IL15: variants seen among roughly 807,000 people sequenced by gnomAD.
The protein encoded by IL15 is interleukin 15, also known as interleukin-15.
In IL15, 11 loss-of-function variants were observed where a neutral mutation model predicts 19.6. The ratio of observed to expected loss-of-function variants is 0.56; its 90% confidence interval spans 0.35 to 0.93. IL15 has a LOEUF of 0.93. Ranked by LOEUF, IL15 falls within the 40% of genes least tolerant of loss-of-function variation. The probability of loss-of-function intolerance (pLI) is 0.01; values close to 1 mark genes in which losing one functional copy is unlikely to be tolerated. For missense variants in IL15, 197 were observed against 186.5 expected (o/e 1.06, Z -0.33); for synonymous variants, 58 against 59.6 (o/e 0.97, Z 0.12).
chr4:141,686,216 GC>G (rs1472828217), intron 2 of IL15, among the ~76,000 whole-genome samples: 2 of 151,782 alleles, frequency 1.3e-5, no homozygotes, highest in Non-Finnish European at 2.9e-5. Flanking sequence ...AATCGCTTGA[GC>G]CCCATAGGCA....
chr4:141,722,483 A>G (rs1730124055), intron 5 of IL15, among the ~76,000 whole-genome samples: 2 of 152,328 alleles, frequency 1.3e-5, no homozygotes, highest in South Asian at 2.1e-4. Context: ...CTGAAAACTA[A>G]ATTGTCATTG....
chr4:141,683,807 G>A (rs1246747885), intron 2 of IL15, among the ~76,000 whole-genome samples: 1 of 152,170 alleles, frequency 6.6e-6, no homozygotes, highest in Admixed American at 6.5e-5. Context: ...CTTTAGGTCG[G>A]GGAGAGAGCA....
At chr4:141,722,753 AAAAAGTGCTTG>A (rs1730131517) in intron 5 of IL15, among the ~76,000 whole-genome samples, 1 of 152,218 alleles carries the variant, frequency 6.6e-6, no homozygotes, top group Admixed American at 6.5e-5. Flanking sequence ...CAGACATTAT[AAAAAGTGCTTG>A]AAAAAGCAAT....
rs1727585415 is a variant in IL15 at position 141,656,111 on chromosome 4, C to A, written c.-221-75C>A. On this transcript the variant is annotated intron_variant, in intron 1 of 7. Coordinates refer to ENST00000320650, the MANE Select transcript of IL15 (RefSeq NM_000585.5). ...ATAGCATGATCAGGTATGTAGGTAA[C>A]CATAAATCTGAGGAAGGGAGGATTA... 3 of 396,638 alleles carry A rather than the reference C, an allele frequency of 7.6e-6. 1 individual carries two copies. The highest frequency in any genetic ancestry group is 1.3e-5 in the Non-Finnish European group (3 of 225,124). 24.6% of individuals were successfully genotyped at this position (396,638 alleles called of 1,614,324 possible). A position where few individuals can be genotyped will look rare whatever the true frequency, so the allele number is the denominator to read the frequency against.
chr4:141,666,522 A>AT (rs1210272487), intron 2 of IL15, among the ~76,000 whole-genome samples: 4 of 151,824 alleles, frequency 2.6e-5, no homozygotes, highest in African/African-American at 9.7e-5. Context: ...TGCCTGGCTA[A>AT]TTTTTTGTGT....
chr4:141,710,243 G>A (rs1343236804), intron 2 of IL15, among the ~76,000 whole-genome samples: 1 of 152,158 alleles, frequency 6.6e-6, no homozygotes, highest in Non-Finnish European at 1.5e-5. Flanking sequence ...CTGGTATCAA[G>A]AAACCATTGA....
intron 5 of IL15, among the ~76,000 whole-genome samples, chr4:141,722,939 T>A (rs1730137686): frequency 6.6e-6 from 1 of 152,084 alleles, no homozygotes; most frequent in Admixed American, 6.5e-5. Flanking sequence ...ATAGTTAATT[T>A]GACAACAGAA....
At chr4:141,670,602 C>T (rs1480989263) in intron 2 of IL15, among the ~76,000 whole-genome samples, 1 of 152,032 alleles carries the variant, frequency 6.6e-6, no homozygotes, top group East Asian at 1.9e-4. Flanking sequence ...ACATGTTTTG[C>T]TTTTTACAAC....
At chr4:141,659,918 CA>C (rs1333660362) in intron 2 of IL15, among the ~76,000 whole-genome samples, 1 of 151,986 alleles carries the variant, frequency 6.6e-6, no homozygotes, top group Admixed American at 6.6e-5. Flanking sequence ...TACTTAAAAA[CA>C]GGTACATTTT....
chr4:141,669,212 TAGG>T (rs1728091604), intron 2 of IL15, among the ~76,000 whole-genome samples: 1 of 152,138 alleles, frequency 6.6e-6, no homozygotes, highest in African/African-American at 2.4e-5. Context: ...TACCAAATAT[TAGG>T]AGGCTAAATG....
At chr4:141,678,768 A>C (rs944757983) in intron 2 of IL15, among the ~76,000 whole-genome samples, 1 of 151,884 alleles carries the variant, frequency 6.6e-6, no homozygotes, top group Non-Finnish European at 1.5e-5. Flanking sequence ...CACCCGGCTA[A>C]TTTTTGTATT....
At chr4:141,676,938 A>G (rs988299105) in intron 2 of IL15, among the ~76,000 whole-genome samples, 1 of 152,200 alleles carries the variant, frequency 6.6e-6, no homozygotes, top group African/African-American at 2.4e-5. Flanking sequence ...ATTATAAAAG[A>G]AGCAGTGCCA....
rs1451408321 is a variant in IL15 at position 141,720,516 on chromosome 4, T to C, written c.60T>C (p.Leu20=). The change falls in exon 4 of 8, where the codon CTT becomes CTC. Residue 20 remains leucine, a synonymous_variant. Coordinates refer to ENST00000320650, the MANE Select transcript of IL15 (RefSeq NM_000585.5). ...CCATCCAGTGCTACTTGTGTTTACT[T>C]CTAAACAGTCATTTTCTAACTGAAG... ...SISIQCYLCL[L]LNSHFLTEAG... is the part of the protein sequence containing the mutation. The C allele has an allele frequency of 6.2e-7, 1 of 1,602,794 alleles. No individual in the cohort carries two copies. Among genetic ancestry groups the C allele is most frequent in the Non-Finnish European group, 8.5e-7 (1 of 1,170,128 alleles).
intron 2 of IL15, among the ~76,000 whole-genome samples, chr4:141,662,045 G>A (rs1246998524): frequency 6.6e-6 from 1 of 152,124 alleles, no homozygotes; most frequent in Non-Finnish European, 1.5e-5. Context: ...AGATTTCACA[G>A]CCAGATTTCT....
At chr4:141,700,584 T>G (rs1357051357) in intron 2 of IL15, among the ~76,000 whole-genome samples, 3 of 152,172 alleles carry the variant, frequency 2.0e-5, no homozygotes, top group Admixed American at 6.5e-5. Flanking sequence ...TTTAGATAGC[T>G]TGATGATGAT....
At chr4:141,652,125 A>G (rs911989683) in intron 1 of IL15, among the ~76,000 whole-genome samples, 5 of 152,302 alleles carry the variant, frequency 3.3e-5, no homozygotes, top group African/African-American at 1.2e-4. Flanking sequence ...AAAAATGAAA[A>G]GCAAAAATTA....
Position 141,732,995 on chromosome 4 carries a change from C to T in IL15, c.*147C>T, listed in dbSNP as rs1169071708. The T allele has an allele frequency of 7.8e-7, 1 of 1,288,850 alleles. No homozygotes were observed. Among genetic ancestry groups the T allele is most frequent in the East Asian group, 2.8e-5 (1 of 35,492 alleles). The allele number at this position is 1,288,850 out of a possible 1,614,324, so 79.8% of individuals were successfully genotyped here. A position where few individuals can be genotyped will look rare whatever the true frequency, so the allele number is the denominator to read the frequency against. On this transcript the variant is annotated 3_prime_UTR_variant, in exon 8 of 8. Transcript: ENST00000320650. ...GATCAGACCTTGGATCAGATGAACT[C>T]TTAGAAATGAAGGCAGAAAAATGTC...
At chr4:141,640,206 A>G (rs1441255995) in intron 1 of IL15, among the ~76,000 whole-genome samples, 1 of 152,196 alleles carries the variant, frequency 6.6e-6, no homozygotes, top group East Asian at 1.9e-4. Flanking sequence ...TGAAAGTTTC[A>G]AAGAGGAAGC....
At chr4:141,711,869 C>T (rs544440445) in intron 2 of IL15, among the ~76,000 whole-genome samples, 19 of 152,136 alleles carry the variant, frequency 1.2e-4, no homozygotes, top group South Asian at 8.3e-4. Flanking sequence ...GGTTCAAACT[C>T]ATTCTCACTT....
Sources: allele counts gnomAD v4.1 joint callset (sites outside exome capture counted in the v4.1 genomes callset), GRCh38; gene constraint gnomAD v4.1.1; transcripts MANE v1.5; gene names NCBI Gene and HGNC (gene_info 2026-07-23, HGNC 2026-07-21).